The following FAH variants were observed in gnomAD, a reference collection of about 807,000 sequenced individuals.
The protein encoded by FAH is fumarylacetoacetase.
Under a neutral mutation model 55.8 loss-of-function variants are expected in FAH, and 47 were observed. The observed-to-expected ratio is 0.84, with a 90% CI of 0.67 to 1.07. The LOEUF is 1.07. Among genes scored for constraint, FAH ranks in the 50% least tolerant of loss-of-function variants. The pLI is 0.00. For missense variants in FAH, 495 were observed against 545.9 expected (o/e 0.91, Z 0.93); for synonymous variants, 199 against 207.7 (o/e 0.96, Z 0.36).
At chr15:80,173,411 G>C in intron 9 of FAH, 1 of 551,486 alleles carries the variant, frequency 1.8e-6, no homozygotes. Flanking sequence ...TGCAAGACCC[G>C]GGGGATCTGG....
chr15:80,177,364 TG>T, intron 10 of FAH, 172 bp from the exon 11 acceptor site: 2 of 652,382 alleles, frequency 3.1e-6, no homozygotes, highest in African/African-American at 1.8e-5. Flanking sequence ...GTGCATGTAT[TG>T]GCCAACCCTG....
At chr15:80,160,958 C>T (rs2041143913) in intron 4 of FAH, among the ~76,000 whole-genome samples, 2 of 152,204 alleles carry the variant, frequency 1.3e-5, no homozygotes, top group South Asian at 4.1e-4. Flanking sequence ...TCCTTGTGCA[C>T]AGGTCTCCTC....
Position 80,173,660 on chromosome 15 carries a change from C to T in FAH, c.837+516C>T, listed in dbSNP as rs552041306. ...TCTCAGCCTGTTGCAATCTGCCCCA[C>T]TCCATCACTGGCAACACCTGGCCAG... On this transcript the variant is annotated intron_variant, in intron 9 of 13. Transcript: ENST00000561421. 15 of 249,672 alleles carry T rather than the reference C, an allele frequency of 6.0e-5. No individual in the cohort carries two copies. In the East Asian group the frequency reaches 1.2e-3, roughly 20 times the overall value. The allele number at this position is 249,672 out of a possible 1,614,324, so 15.5% of individuals were successfully genotyped here. A position where few individuals can be genotyped will look rare whatever the true frequency, so the allele number is the denominator to read the frequency against.
chr15:80,184,934 C>A lies in FAH; in HGVS notation c.1181-1196C>A, dbSNP rs991759352. Among the ~76,000 whole-genome samples, 3 of 152,164 alleles carry A rather than the reference C, an allele frequency of 2.0e-5. No homozygotes were observed. In the East Asian group the frequency reaches 5.8e-4, roughly 29 times the overall value. ...CTTTCCCTCCATGCTGCTCGCTCAG[C>A]ACCTTGTAAGCATTTCTCTGTATCT... On this transcript the variant is annotated intron_variant, in intron 13 of 13. Coordinates refer to ENST00000561421, the MANE Select transcript of FAH (RefSeq NM_000137.4).
downstream of FAH, chr15:80,186,490 A>C: frequency 2.0e-6 from 1 of 503,214 alleles, no homozygotes. Flanking sequence ...CTTATTAGAC[A>C]TCCCAGGCCT....
intron 1 of FAH, chr15:80,156,068 G>A (rs773254494): frequency 1.3e-4 from 41 of 311,688 alleles, no homozygotes; most frequent in Non-Finnish European, 2.3e-4. Context: ...CAGGAAGCTG[G>A]TGGAGCAGAG....
At chr15:80,153,460 G>C (rs2041071662) in intron 1 of FAH, among the ~76,000 whole-genome samples, 9 of 152,212 alleles carry the variant, frequency 5.9e-5, no homozygotes, top group Admixed American at 5.9e-4. Context: ...ACACAGGCAT[G>C]CTGCCTACTC....
intron 1 of FAH, among the ~76,000 whole-genome samples, chr15:80,153,982 T>C (rs914999342): frequency 6.6e-6 from 1 of 152,144 alleles, no homozygotes; most frequent in Non-Finnish European, 1.5e-5. Flanking sequence ...GTTGGCTTCT[T>C]CTTGGAAAGT....
chr15:80,160,827 G>C (rs2041142551), intron 4 of FAH, among the ~76,000 whole-genome samples: 1 of 152,230 alleles, frequency 6.6e-6, no homozygotes, highest in Non-Finnish European at 1.5e-5. Flanking sequence ...AAGGGCCCCA[G>C]TTTGAGCACG....
intron 7 of FAH, among the ~76,000 whole-genome samples, chr15:80,170,800 C>G (rs1262117589): frequency 6.6e-6 from 1 of 152,184 alleles, no homozygotes. Flanking sequence ...CAATGTTTAA[C>G]TATTGTCACA....
chr15:80,153,211 T>TGGAGTGGAGTGGAGTGGAGG, intron 1 of FAH, 76 bp downstream of exon 1: 1 of 1,132,228 alleles, frequency 8.8e-7, no homozygotes, highest in African/African-American at 1.6e-5. Flanking sequence ...TGGAGTGGAG[T>TGGAGTGGAGTGGAGTGGAGG]GGAATGGAGT....
chr15:80,176,020 C>CTT (rs35856260), intron 10 of FAH, among the ~76,000 whole-genome samples: 1 of 151,556 alleles, frequency 6.6e-6, no homozygotes, highest in African/African-American at 2.4e-5. Flanking sequence ...TTCTTTTCTT[C>CTT]TTTTTTTTTC....
Position 80,174,751 on chromosome 15 carries a change from C to G in FAH, c.838-265C>G, listed in dbSNP as rs547046929. Among the ~76,000 whole-genome samples, 6 of 152,342 alleles carry G rather than the reference C, an allele frequency of 3.9e-5. No individual in the cohort carries two copies. The South Asian group carries it at 1.2e-3, about 32-fold the overall frequency. On this transcript the variant is annotated intron_variant, in intron 9 of 13. Coordinates refer to ENST00000561421, the MANE Select transcript of FAH (RefSeq NM_000137.4). ...CCTTTCTCTCCCCTCCTGTGGCTTT[C>G]AGGAACATCTCTGGTTTGGCTCCTG...
chr15:80,183,714 C>T (rs539993318), intron 13 of FAH, among the ~76,000 whole-genome samples: 1 of 152,376 alleles, frequency 6.6e-6, no homozygotes, highest in South Asian at 2.1e-4. Context: ...CATCAGCCAA[C>T]GCCGCAGCAC....
chr15:80,186,131 G>A lies in FAH; in HGVS notation c.1182G>A (p.Gly394=), dbSNP rs2142112592. The A allele has an allele frequency of 2.5e-6, 4 of 1,613,994 alleles. No individual in the cohort carries two copies. In the African/African-American group the frequency reaches 4.0e-5, roughly 16 times the overall value. ...LLDGDEVIIT[G]YCQGDGYRIG... The stretch of plus-strand genomic sequence containing the variant: ...GATCCTTGTCCTCCTCTGTTCCAGG[G>A]TACTGCCAGGGGGATGGTTACCGCA... Residue 394 remains glycine, a splice_region_variant and synonymous_variant, in exon 14 of 14, where the codon GGG becomes GGA. Transcript: ENST00000561421.
At chr15:80,183,726 T>A (rs924003298) in intron 13 of FAH, among the ~76,000 whole-genome samples, 4 of 152,242 alleles carry the variant, frequency 2.6e-5, no homozygotes, top group African/African-American at 9.6e-5. Context: ...CCGCAGCACT[T>A]ACTGCAGGCC....
In FAH at chr15:80,169,822, C is replaced by T. The variant is rs546413492; in HGVS notation, c.606+1506C>T. Among the ~76,000 whole-genome samples, 9 of 152,300 alleles carry T rather than the reference C, an allele frequency of 5.9e-5. No homozygotes were observed. In the South Asian group the frequency reaches 1.0e-3, roughly 18 times the overall value. On this transcript the variant is annotated intron_variant, in intron 7 of 13. Transcript: ENST00000561421. ...TGCTTGGATTACAGGCATGAGCCAC[C>T]GCGCTCGGCCAGGGCTGCACACTTT...
chr15:80,175,226 A>G (rs1303368988), intron 10 of FAH, 135 bp downstream of exon 10: 8 of 819,982 alleles, frequency 9.8e-6, no homozygotes, highest in Non-Finnish European at 1.4e-5. Context: ...TGGCTCGTCT[A>G]AAGGAAAGAG....
intron 7 of FAH, among the ~76,000 whole-genome samples, chr15:80,171,139 A>T (rs1226300595): frequency 6.6e-6 from 1 of 151,954 alleles, no homozygotes; most frequent in Non-Finnish European, 1.5e-5. Context: ...ACATGTGCAC[A>T]ACGTGCAGGT....
Sources: allele counts gnomAD v4.1 joint callset (sites outside exome capture counted in the v4.1 genomes callset), GRCh38; gene constraint gnomAD v4.1.1; transcripts MANE v1.5; gene names NCBI Gene and HGNC (gene_info 2026-07-23, HGNC 2026-07-21).